The following MICAL3 variants were observed in gnomAD, a reference collection of about 807,000 sequenced individuals.
MICAL3 encodes microtubule associated monooxygenase, calponin and LIM domain containing 3.
A neutral mutation model predicts 207.4 loss-of-function variants in MICAL3; 62 were observed. That is an observed-to-expected ratio of 0.30 (90% CI 0.24 to 0.37). MICAL3 has a LOEUF of 0.37. MICAL3 is among the 10% of genes least tolerant of loss of function. The pLI is 1.00. For missense variants in MICAL3, 2,368 were observed against 2,635.6 expected, an observed-to-expected ratio of 0.90 and a Z score of 2.22; for synonymous variants, 1,077 against 1,069.3, an observed-to-expected ratio of 1.01 and a Z score of -0.14.
At chr22:17,864,241 G>A (rs1926820876) in intron 19 of MICAL3, 1 of 1,029,546 alleles carries the variant, frequency 9.7e-7, no homozygotes, top group South Asian at 4.1e-5. Flanking sequence ...CCCAACACAA[G>A]GAAGTGGTCA....
chr22:17,902,049 T>C lies in MICAL3; in HGVS notation c.590-70A>G. The C allele has an allele frequency of 2.8e-6, 3 of 1,089,366 alleles. No homozygotes were observed. Among genetic ancestry groups the C allele is most frequent in the Middle Eastern group, 2.0e-4 (1 of 4,994 alleles). 67.5% of individuals were successfully genotyped at this position (1,089,366 alleles called of 1,614,324 possible). On this transcript the variant is annotated intron_variant, in intron 4 of 31. Transcript: ENST00000441493. This position sits in a 1 kb window ranked among gnomAD's most constrained non-coding sequence, Gnocchi z 4.5. ...ATTCACAGCCAGGACCATCTCTAGA[T>C]ACCCAGTCATGTGAACTGCACAAAA... is the stretch of plus-strand genomic sequence containing the variant.
intron 1 of MICAL3, among the ~76,000 whole-genome samples, chr22:17,965,825 C>G (rs1258325776): frequency 6.6e-6 from 1 of 152,192 alleles, no homozygotes; most frequent in Admixed American, 6.5e-5. Flanking sequence ...AAGGTCAGAT[C>G]ACTTGTCCAA....
At chr22:17,990,604 T>C (rs866104533) in intron 1 of MICAL3, among the ~76,000 whole-genome samples, 1 of 152,190 alleles carries the variant, frequency 6.6e-6, no homozygotes, top group Non-Finnish European at 1.5e-5. Flanking sequence ...ACCGGTATAG[T>C]ACAGCACAGT....
rs1569110314 is a variant in MICAL3 at position 17,877,358 on chromosome 22, TATGGAGGTTAGGGAGGTG to T, written c.2242-5353_2242-5336del. On this transcript the variant is annotated intron_variant, in intron 16 of 31. Transcript: ENST00000441493. ...TGGAGGTTAGGGAGGTTAGGGAGGT[TATGGAGGTTAGGGAGGTG>T]AGGGAGGTTATGGAGGTTAGGGAGG... is the stretch of plus-strand genomic sequence containing the variant. Among the ~76,000 whole-genome samples, 194 of 95,066 alleles carry T rather than the reference TATGGAGGTTAGGGAGGTG, an allele frequency of 2.0e-3. 1 individual carries two copies. The highest frequency in any genetic ancestry group is 3.0e-3 in the Non-Finnish European group (150 of 50,548). 62.4% of individuals were successfully genotyped at this position (95,066 alleles called of 152,430 possible).
chr22:17,819,654 A>G (rs970278638), intron 25 of MICAL3, among the ~76,000 whole-genome samples: 2 of 152,154 alleles, frequency 1.3e-5, no homozygotes, highest in East Asian at 1.9e-4. Flanking sequence ...CCCATTTCAC[A>G]GACGGCTGAG....
chr22:17,833,326 G>T (rs575028112), intron 20 of MICAL3, among the ~76,000 whole-genome samples: 1 of 152,334 alleles, frequency 6.6e-6, no homozygotes, highest in East Asian at 1.9e-4. Context: ...GTGAGAGGCC[G>T]GGGGAAATCA....
intron 16 of MICAL3, among the ~76,000 whole-genome samples, chr22:17,877,396 G>A (rs201066239): frequency 2.7e-5 from 1 of 37,418 alleles, no homozygotes; most frequent in Admixed American, 3.0e-4. Flanking sequence ...ATGGAGGTTA[G>A]GGAGGTTAGG....
intron 19 of MICAL3, chr22:17,862,934 T>C (rs574487903): frequency 1.7e-5 from 17 of 985,294 alleles, no homozygotes; most frequent in African/African-American, 7.0e-5. Flanking sequence ...TCCCGTGCTA[T>C]ACCAAGTCAC....
At chr22:18,001,621 G>T (rs1272852016) in intron 1 of MICAL3, 4 of 152,396 alleles carry the variant, frequency 2.6e-5, no homozygotes, top group Non-Finnish European at 5.9e-5. Context: ...CTGGCAAGCG[G>T]CCCCCGTCCT....
chr22:17,792,115 T>C (rs1222216577), intron 29 of MICAL3, among the ~76,000 whole-genome samples: 1 of 152,220 alleles, frequency 6.6e-6, no homozygotes, highest in Admixed American at 6.5e-5. Context: ...GGCTTCACTG[T>C]GGCAGGAGGA....
intron 29 of MICAL3, among the ~76,000 whole-genome samples, chr22:17,791,947 A>T (rs1008482271): frequency 6.6e-5 from 10 of 152,374 alleles, no homozygotes; most frequent in African/African-American, 1.7e-4. Flanking sequence ...CCAAGAGCAG[A>T]GAAACACTAG....
At chr22:18,023,547 C>T (rs1426830302) in intron 1 of MICAL3, among the ~76,000 whole-genome samples, 2 of 152,254 alleles carry the variant, frequency 1.3e-5, no homozygotes, top group Non-Finnish European at 2.9e-5. Context: ...ACTTGACACA[C>T]AGAAAGCATT....
At chr22:17,940,381 GGTGACATA>G (rs1933751480) in intron 1 of MICAL3, among the ~76,000 whole-genome samples, 1 of 152,110 alleles carries the variant, frequency 6.6e-6, no homozygotes, top group Admixed American at 6.5e-5. Context: ...CTCCAGCCTG[GGTGACATA>G]GTGTGACTCT....
At chr22:17,966,853 A>G (rs536643040) in intron 1 of MICAL3, among the ~76,000 whole-genome samples, 52 of 150,434 alleles carry the variant, frequency 3.5e-4, no homozygotes, top group African/African-American at 1.2e-3. Flanking sequence ...AGCTGCAATT[A>G]ATTGACAGAA....
chr22:17,904,934 C>A, intron 2 of MICAL3, 95 bp from the exon 3 acceptor site: 2 of 899,034 alleles, frequency 2.2e-6, no homozygotes, highest in Non-Finnish European at 3.6e-6. Context: ...CCTAAAGCCC[C>A]GAAATAGGGC....
At chr22:17,840,023 C>T (rs1002800022) in intron 20 of MICAL3, 2 of 150,948 alleles carry the variant, frequency 1.3e-5, no homozygotes, top group African/African-American at 4.9e-5. Context: ...CTCCGCCTCC[C>T]AGGTTCAAGT....
At chr22:17,860,181 C>G in intron 19 of MICAL3, 1 of 976,808 alleles carries the variant, frequency 1.0e-6, no homozygotes. Flanking sequence ...AATTTATTCT[C>G]TTAAATAAGA....
At chr22:17,847,018 C>T (rs528312289) in intron 19 of MICAL3, among the ~76,000 whole-genome samples, 3 of 152,332 alleles carry the variant, frequency 2.0e-5, no homozygotes, top group East Asian at 1.9e-4. Context: ...GGCTGCTGGG[C>T]AAGAGCTGGC....
chr22:17,907,550 G>A (rs1033220952), intron 1 of MICAL3, among the ~76,000 whole-genome samples: 3 of 152,174 alleles, frequency 2.0e-5, no homozygotes, highest in Non-Finnish European at 4.4e-5. Flanking sequence ...GAGTGGCTGG[G>A]GACGCAGATC....
Sources: gnomAD v4.1 joint callset for allele counts (sites outside exome capture counted in the v4.1 genomes callset) on GRCh38, gnomAD v4.1.1 for gene constraint, Gnocchi (gnomAD v3.1) non-coding constraint, MANE v1.5 for transcripts, NCBI Gene and HGNC (gene_info 2026-07-23, HGNC 2026-07-21) for gene names.